Variants in OPA1 observed in about 807,000 individuals in gnomAD.
OPA1 encodes the protein OPA1 mitochondrial dynamin like GTPase, also known as dynamin-like GTPase OPA1, mitochondrial.
In OPA1, 59 loss-of-function variants were observed where a neutral mutation model predicts 152.9. That is an observed-to-expected ratio of 0.39 (90% CI 0.31 to 0.48). The LOEUF (loss-of-function observed/expected upper bound fraction) is 0.48. OPA1 is among the 20% of genes least tolerant of loss of function. The pLI is 0.96. For synonymous variants in OPA1, 400 were observed against 389.9 expected (o/e 1.03, Z -0.31); for missense variants, 1,008 against 1,216.8 (o/e 0.83, Z 2.55).
chr3:193,675,675 T>C (rs1407348541), intron 29 of OPA1, among the ~76,000 whole-genome samples: 1 of 152,234 alleles, frequency 6.6e-6, no homozygotes, highest in Non-Finnish European at 1.5e-5. Flanking sequence ...TAGAGGCTTC[T>C]CACTATAGGC....
Position 193,593,210 on chromosome 3 carries a change from G to T in OPA1, c.-168G>T. ...CGGACTGAGTACGGGTGCCTGTCAG[G>T]CTCTTGCGGAAGTCCATGCGCCATT... On this transcript the variant is annotated 5_prime_UTR_variant, in exon 1 of 31. Coordinates refer to ENST00000361510, the MANE Select transcript of OPA1 (RefSeq NM_130837.3). 1 of 576,044 alleles carries T rather than the reference G, an allele frequency of 1.7e-6. No individual in the cohort carries two copies. The highest frequency in any genetic ancestry group is 2.4e-5 in the South Asian group (1 of 41,778). The allele number at this position is 576,044 out of a possible 1,614,324, so 35.7% of individuals were successfully genotyped here. A position where few individuals can be genotyped will look rare whatever the true frequency, so the allele number is the denominator to read the frequency against.
Position 193,631,644 on chromosome 3 carries a change from G to A in OPA1, c.822G>A (p.Gln274=). 6.2e-7 allele frequency: 1 copy of A among 1,612,404 alleles called. No homozygotes were observed. The highest frequency in any genetic ancestry group is 1.1e-5 in the South Asian group (1 of 90,922). Residue 274 remains glutamine (Q), a synonymous_variant, in exon 8 of 31, where the codon CAG becomes CAA. Transcript: ENST00000361510. ...VSDKEKIDQL[Q]EELLHTQLKY... Reference sequence around the variant, plus strand: ...ACAAAGAGAAAATTGACCAACTTCAGGAAGAACTTCTGCACACTCAGGTAA... The same window carrying A: ...ACAAAGAGAAAATTGACCAACTTCAAGAAGAACTTCTGCACACTCAGGTAA...
At chr3:193,657,381 C>A in intron 23 of OPA1, 149 bp downstream of exon 23, 1 of 755,178 alleles carries the variant, frequency 1.3e-6, no homozygotes, top group Non-Finnish European at 2.1e-6. Context: ...CTGTAATCTG[C>A]CCTTTAATAT....
intron 30 of OPA1, among the ~76,000 whole-genome samples, chr3:193,693,629 G>T (rs1189274634): frequency 1.3e-5 from 2 of 151,986 alleles, no homozygotes; most frequent in African/African-American, 4.8e-5. Context: ...GACAGAGCGA[G>T]ACTCTTGTCT....
chr3:193,634,701 C>G (rs1054189584), intron 8 of OPA1, among the ~76,000 whole-genome samples: 1 of 152,156 alleles, frequency 6.6e-6, no homozygotes, highest in African/African-American at 2.4e-5. Context: ...AGCCTCTGCG[C>G]CCAGCCTATA....
chr3:193,678,913 G>A (rs1484797800), intron 29 of OPA1, among the ~76,000 whole-genome samples: 1 of 152,084 alleles, frequency 6.6e-6, no homozygotes, highest in Non-Finnish European at 1.5e-5. Flanking sequence ...CTATTACAAA[G>A]GTTAGCTCTT....
intron 1 of OPA1, among the ~76,000 whole-genome samples, chr3:193,607,111 GTTGT>G (rs1233433516): frequency 1.3e-5 from 2 of 152,170 alleles, no homozygotes; most frequent in Admixed American, 6.5e-5. Flanking sequence ...TGTTGATGGG[GTTGT>G]TTGTTTTTCT....
intron 22 of OPA1, among the ~76,000 whole-genome samples, chr3:193,656,252 C>G (rs1006197593): frequency 3.9e-5 from 6 of 152,108 alleles, no homozygotes; most frequent in African/African-American, 9.7e-5. Context: ...TCCCTCAGCA[C>G]TAGGTGTCAT....
At chr3:193,621,136 TCTA>T (rs1467258745) in intron 6 of OPA1, among the ~76,000 whole-genome samples, 1 of 152,254 alleles carries the variant, frequency 6.6e-6, no homozygotes, top group Non-Finnish European at 1.5e-5. Flanking sequence ...TGGCTAGACT[TCTA>T]CTAGAAATGT....
intron 29 of OPA1, chr3:193,668,517 GCC>G (rs1331801781): frequency 1.5e-5 from 24 of 1,549,056 alleles, no homozygotes; most frequent in Non-Finnish European, 2.1e-5. Context: ...CCACCCGCTA[GCC>G]TCTGCCCGAC....
intron 11 of OPA1, among the ~76,000 whole-genome samples, chr3:193,639,512 G>A (rs1342134195): frequency 6.6e-6 from 1 of 152,196 alleles, no homozygotes; most frequent in Non-Finnish European, 1.5e-5. Flanking sequence ...AGGTGGTTGT[G>A]TGGCTGTCAT....
chr3:193,664,952 C>T lies in OPA1; in HGVS notation c.2734C>T (p.Arg912Ter), dbSNP rs794727405. Residue 912 changes from arginine (R) to a stop codon, truncating the protein, a stop_gained, in exon 27 of 31, where the codon CGA (arginine) becomes TGA (stop). Coordinates refer to ENST00000361510, the MANE Select transcript of OPA1 (RefSeq NM_130837.3). LOFTEE classifies it high-confidence loss of function. Reference sequence around the variant, plus strand: ...AGCTCTAAACCATTGTAACCTTTGTCGAAGAGGTTTTTATTACTACCAAAG... The same window carrying T: ...AGCTCTAAACCATTGTAACCTTTGTTGAAGAGGTTTTTATTACTACCAAAG... The part of the protein sequence containing the change: ...KTALNHCNLC[R>*]RGFYYYQRHF... The T allele has an allele frequency of 1.9e-6, 3 of 1,608,068 alleles. No individual in the cohort carries two copies. Among genetic ancestry groups the T allele is most frequent in the Non-Finnish European group, 2.6e-6 (3 of 1,175,316 alleles).
chr3:193,684,445 C>T (rs1258887321), intron 29 of OPA1, among the ~76,000 whole-genome samples: 2 of 135,556 alleles, frequency 1.5e-5, no homozygotes, highest in Non-Finnish European at 3.1e-5. Flanking sequence ...AATGGTACTA[C>T]CTTTTTTTTT....
intron 21 of OPA1, among the ~76,000 whole-genome samples, chr3:193,652,717 G>A (rs982955266): frequency 3.3e-5 from 5 of 152,128 alleles, no homozygotes; most frequent in African/African-American, 7.2e-5. Flanking sequence ...TCATGGAACC[G>A]GGTATTACAG....
At chr3:193,607,989 T>C (rs1235540676) in intron 1 of OPA1, among the ~76,000 whole-genome samples, 1 of 152,238 alleles carries the variant, frequency 6.6e-6, no homozygotes, top group Non-Finnish European at 1.5e-5. Flanking sequence ...CCCTTGTATG[T>C]TGGATTCCTA....
chr3:193,597,255 C>T (rs113868253), intron 1 of OPA1, among the ~76,000 whole-genome samples: 4,748 of 151,990 alleles, frequency 0.031, 70 homozygotes, highest in African/African-American at 0.039. Context: ...TAGAGACTGC[C>T]CAGGGGAGAG....
chr3:193,635,220 T>A (rs1577220989), intron 8 of OPA1, among the ~76,000 whole-genome samples, 198 bp from the exon 9 acceptor site: 3 of 152,322 alleles, frequency 2.0e-5, no homozygotes, highest in Non-Finnish European at 4.4e-5. Context: ...GATAGAAAAT[T>A]ACAATGATTT....
At chr3:193,611,926 A>G (rs1728312360) in intron 1 of OPA1, among the ~76,000 whole-genome samples, 1 of 152,000 alleles carries the variant, frequency 6.6e-6, no homozygotes, top group South Asian at 2.1e-4. Context: ...AAAGGTTTTC[A>G]GCGATTTTTC....
chr3:193,685,804 A>G, intron 29 of OPA1, among the ~76,000 whole-genome samples: 1 of 152,360 alleles, frequency 6.6e-6, no homozygotes, highest in Admixed American at 6.5e-5. Context: ...TATATAATGA[A>G]TTAGAACAAT....
Sources: gnomAD v4.1 joint callset for allele counts (sites outside exome capture counted in the v4.1 genomes callset) on GRCh38, gnomAD v4.1.1 for gene constraint, MANE v1.5 for transcripts, NCBI Gene and HGNC (gene_info 2026-07-23, HGNC 2026-07-21) for gene names.